The following NRG3 variants were observed in gnomAD, a reference collection of about 807,000 sequenced individuals.
NRG3 encodes pro-neuregulin-3, membrane-bound isoform.
NRG3 carries 31 observed loss-of-function variants against 66.9 expected under a neutral mutation model. The ratio of observed to expected loss-of-function variants is 0.46; its 90% confidence interval spans 0.35 to 0.63. The LOEUF (loss-of-function observed/expected upper bound fraction) is 0.63. NRG3 is among the 20% of genes least tolerant of loss of function. The pLI is 0.00. For missense variants in NRG3, 910 were observed against 878.9 expected, an observed-to-expected ratio of 1.04 and a Z score of -0.45; for synonymous variants, 393 against 359.4, an observed-to-expected ratio of 1.09 and a Z score of -1.06.
At chr10:82,527,001 T>G (rs1400876507) in intron 2 of NRG3, among the ~76,000 whole-genome samples, 1 of 152,096 alleles carries the variant, frequency 6.6e-6, no homozygotes, top group African/African-American at 2.4e-5. Flanking sequence ...CATACTCCTT[T>G]GAACCAGCAA....
At chr10:82,087,422 G>C (rs540041992) in intron 1 of NRG3, among the ~76,000 whole-genome samples, 1 of 152,122 alleles carries the variant, frequency 6.6e-6, no homozygotes, top group African/African-American at 2.4e-5. Context: ...TGTTCAGAGG[G>C]ATGAACACAG....
intron 3 of NRG3, among the ~76,000 whole-genome samples, chr10:82,787,073 T>C (rs149281127): frequency 6.6e-6 from 1 of 152,220 alleles, no homozygotes; most frequent in Non-Finnish European, 1.5e-5. Context: ...AGACTAGACA[T>C]GCAGCCATTT....
At chr10:82,349,500 G>A (rs568719369) in intron 1 of NRG3, among the ~76,000 whole-genome samples, 1,818 of 151,770 alleles carry the variant, frequency 0.012, 13 homozygotes, top group Non-Finnish European at 0.017. Flanking sequence ...AGTCTGCAGA[G>A]GTTACTGCTG....
At chr10:82,506,559 T>C (rs1844700123) in intron 2 of NRG3, among the ~76,000 whole-genome samples, 1 of 151,998 alleles carries the variant, frequency 6.6e-6, no homozygotes, top group Non-Finnish European at 1.5e-5. Context: ...TTTCCTCTCT[T>C]ACTCCCTCTT....
intron 1 of NRG3, among the ~76,000 whole-genome samples, chr10:82,261,888 C>G (rs2134210830): frequency 6.6e-6 from 1 of 152,282 alleles, no homozygotes; most frequent in South Asian, 2.1e-4. Context: ...ACGAACATGT[C>G]ACGGTGCTGC....
chr10:82,275,213 G>A (rs928964855), intron 1 of NRG3, among the ~76,000 whole-genome samples: 1 of 151,914 alleles, frequency 6.6e-6, no homozygotes, highest in African/African-American at 2.4e-5. Flanking sequence ...TTTAGTGTAG[G>A]TAATGCAGAT....
Position 81,940,670 on chromosome 10 carries a change from C to T in NRG3, c.823+64507C>T, listed in dbSNP as rs374071780. ...GCAGAAGCTCTTTGCAGTACATTGG[C>T]TGAATCTCATTAGCTCTCTTTGGTC... On this transcript the variant is annotated intron_variant, in intron 1 of 8. Transcript: ENST00000372141. Among the ~76,000 whole-genome samples, 14 of 152,120 alleles carry T rather than the reference C, an allele frequency of 9.2e-5. No individual in the cohort carries two copies. The South Asian group carries it at 2.3e-3, about 25-fold the overall frequency.
intron 3 of NRG3, chr10:82,843,363 A>G (rs138262841): frequency 0.018 from 6,108 of 344,354 alleles, 85 homozygotes; most frequent in Non-Finnish European, 0.024. Context: ...TCCATCATGG[A>G]CTGATGAGCA....
chr10:82,824,401 A>G (rs2062091223), intron 3 of NRG3, among the ~76,000 whole-genome samples: 1 of 152,140 alleles, frequency 6.6e-6, no homozygotes. Context: ...GAAATTGCTG[A>G]GTTATATGGT....
At chr10:81,884,952 AATCT>A (rs899513291) in intron 1 of NRG3, among the ~76,000 whole-genome samples, 1 of 152,132 alleles carries the variant, frequency 6.6e-6, no homozygotes, top group African/African-American at 2.4e-5. Flanking sequence ...TTTAACATGA[AATCT>A]ATCTTCTTTT....
chr10:82,294,457 GTGTGT>G (rs2079937859), intron 1 of NRG3, among the ~76,000 whole-genome samples: 1 of 151,534 alleles, frequency 6.6e-6, no homozygotes, highest in African/African-American at 2.4e-5. Flanking sequence ...GTGTGTGTGT[GTGTGT>G]GTATGTGTGT....
At chr10:81,888,454 TTTG>T (rs1842781196) in intron 1 of NRG3, among the ~76,000 whole-genome samples, 1 of 152,164 alleles carries the variant, frequency 6.6e-6, no homozygotes, top group Non-Finnish European at 1.5e-5. Context: ...ATCTGTGGTT[TTTG>T]TTGAGAAGAT....
chr10:81,947,491 A>G lies in NRG3; in HGVS notation c.823+71328A>G, dbSNP rs551863218. Reference sequence around the variant, plus strand: ...TTCATGTATGGCTGTTCTGGTTGCAAATAGCAGGGCCTCACTCTCCCCATT... The same window carrying G: ...TTCATGTATGGCTGTTCTGGTTGCAGATAGCAGGGCCTCACTCTCCCCATT... On this transcript the variant is annotated intron_variant, in intron 1 of 8. Transcript: ENST00000372141. 3.3e-5 allele frequency among the ~76,000 whole-genome samples: 5 copies of G among 152,256 alleles called. No homozygotes were observed. The South Asian group carries it at 1.0e-3, about 32-fold the overall frequency.
chr10:82,719,427 T>C (rs1369813807), intron 2 of NRG3, among the ~76,000 whole-genome samples: 1 of 152,242 alleles, frequency 6.6e-6, no homozygotes, highest in Non-Finnish European at 1.5e-5. Context: ...AGCTGATCTG[T>C]AAACCTGTGT....
intron 2 of NRG3, among the ~76,000 whole-genome samples, chr10:82,737,271 A>C (rs2058199101): frequency 6.6e-6 from 1 of 152,168 alleles, no homozygotes; most frequent in African/African-American, 2.4e-5. Flanking sequence ...CCAGGCTTAA[A>C]AAGGTGTTGA....
intron 2 of NRG3, among the ~76,000 whole-genome samples, chr10:82,735,435 C>G (rs1443116665): frequency 1.3e-5 from 2 of 152,124 alleles, no homozygotes; most frequent in Non-Finnish European, 1.5e-5. Flanking sequence ...AATAGAATAT[C>G]TACTATAATG....
At chr10:82,907,100 T>C (rs1435659835) in intron 4 of NRG3, among the ~76,000 whole-genome samples, 5 of 152,184 alleles carry the variant, frequency 3.3e-5, no homozygotes, top group Non-Finnish European at 7.3e-5. Flanking sequence ...GAAAATGTTC[T>C]TTATCCCATC....
At chr10:82,900,805 T>C (rs190642881) in intron 4 of NRG3, among the ~76,000 whole-genome samples, 7 of 152,332 alleles carry the variant, frequency 4.6e-5, no homozygotes, top group African/African-American at 1.7e-4. Flanking sequence ...CTAAAGCCTT[T>C]ATTATGATAA....
intron 1 of NRG3, among the ~76,000 whole-genome samples, chr10:82,246,220 T>C (rs1024787228): frequency 6.6e-6 from 1 of 152,190 alleles, no homozygotes; most frequent in Admixed American, 6.5e-5. Flanking sequence ...AAGAAAAGAC[T>C]TGGGGCAGTG....
Sources: allele counts gnomAD v4.1 joint callset (sites outside exome capture counted in the v4.1 genomes callset), GRCh38; gene constraint gnomAD v4.1.1; transcripts MANE v1.5; gene names NCBI Gene and HGNC (gene_info 2026-07-23, HGNC 2026-07-21).